USP24: variants seen among roughly 807,000 people sequenced by gnomAD.
USP24 encodes ubiquitin carboxyl-terminal hydrolase 24.
USP24 carries 97 observed loss-of-function variants against 361.6 expected under a neutral mutation model. The ratio of observed to expected loss-of-function variants is 0.27; its 90% CI spans 0.23 to 0.32. USP24 has a LOEUF of 0.32. Ranked by LOEUF, USP24 falls within the 10% of genes least tolerant of loss-of-function variation. The pLI is 1.00. For synonymous variants in USP24, 1,098 were observed against 1,124.6 expected, an observed-to-expected ratio of 0.98 and a Z score of 0.47; for missense variants, 2,353 against 3,165.6, an observed-to-expected ratio of 0.74 and a Z score of 6.16.
intron 1 of USP24, among the ~76,000 whole-genome samples, chr1:55,192,006 G>A (rs1021083549): frequency 2.6e-5 from 4 of 152,144 alleles, no homozygotes; most frequent in Admixed American, 1.3e-4. Context: ...AAACTTGCCC[G>A]TTTGAAAAAC....
rs765008533 is a variant in USP24, at chr1:55,153,826, T to C, written c.1860+44A>G. 6.7e-6 allele frequency: 10 copies of C among 1,494,998 alleles called. No individual in the cohort carries two copies. In the African/African-American group the frequency reaches 1.4e-4, roughly 21 times the overall value. The allele number at this position is 1,494,998 out of a possible 1,614,324, so 92.6% of individuals were successfully genotyped here. On this transcript the variant is annotated intron_variant, in intron 16 of 67. Coordinates refer to ENST00000294383, the MANE Select transcript of USP24 (RefSeq NM_015306.3). The stretch of plus-strand genomic sequence containing the variant: ...GGTGTAATTTATTAAAGGAAATTAT[T>C]AAACTAGTATACCTTTTAGTTGGTT...
chr1:55,171,134 T>G lies in USP24; in HGVS notation c.825+422A>C, dbSNP rs906829860. On this transcript the variant is annotated intron_variant, in intron 5 of 67. Coordinates refer to ENST00000294383, the MANE Select transcript of USP24 (RefSeq NM_015306.3). ...ATATAAAATATACTGGTTCCAGGCC[T>G]GAAAAAGCAAGTTTTAATGCATATG... Among the ~76,000 whole-genome samples the G allele has an allele frequency of 2.0e-5, 3 of 152,306 alleles. No individual in the cohort carries two copies. In the East Asian group the frequency reaches 5.8e-4, roughly 29 times the overall value.
Position 55,215,080 on chromosome 1 carries a change from G to T in USP24, c.34C>A (p.Leu12Met). 5.0e-6 allele frequency: 7 copies of T among 1,399,390 alleles called. No individual in the cohort carries two copies. Among genetic ancestry groups the T allele is most frequent in the Non-Finnish European group, 5.6e-6 (6 of 1,069,542 alleles). 86.7% of individuals were successfully genotyped at this position (1,399,390 alleles called of 1,614,324 possible). Residue 12 changes from leucine to methionine, a missense_variant, in exon 1 of 68, where the codon CTG (leucine) becomes ATG (methionine). Coordinates refer to ENST00000294383, the MANE Select transcript of USP24 (RefSeq NM_015306.3). Reference protein sequence around the residue: ...ESEEEQHMTTLLCMGFSDPAT... With the variant: ...ESEEEQHMTTMLCMGFSDPAT... ...GGGTCTGAGAAGCCCATGCACAGCA[G>T]CGTGGTCATGTGCTGCTCCTCCTCC... is the stretch of plus-strand genomic sequence containing the variant.
At chr1:55,089,864 G>T in intron 54 of USP24, 124 bp from the exon 55 acceptor site, 1 of 637,666 alleles carries the variant, frequency 1.6e-6, no homozygotes, top group Non-Finnish European at 2.7e-6. Flanking sequence ...TCTCTCGTGG[G>T]TAGAGTGGAG....
At position 55,178,073 on chromosome 1, in the gene USP24, T is replaced by C; in HGVS notation, c.384A>G (p.Leu128=). The C allele has an allele frequency of 6.4e-7, 1 of 1,551,604 alleles. No individual in the cohort carries two copies. The highest frequency in any genetic ancestry group is 8.7e-7 in the Non-Finnish European group (1 of 1,146,888). ...GEGIEFPTTN[L]YELESRVLTD... ...TCAAAACACGGCTTTCCAGTTCATATAAATTTGTTGTAGGGAATTCAATTC... is the reference window on the plus strand; with the variant it reads ...TCAAAACACGGCTTTCCAGTTCATACAAATTTGTTGTAGGGAATTCAATTC... The change falls in exon 2 of 68, where the codon TTA becomes TTG. Residue 128 remains leucine (L), a synonymous_variant. Coordinates refer to ENST00000294383, the MANE Select transcript of USP24 (RefSeq NM_015306.3).
chr1:55,148,383 A>T, intron 17 of USP24, 80 bp downstream of exon 17: 1 of 1,045,676 alleles, frequency 9.6e-7, no homozygotes, highest in Admixed American at 2.4e-5. Context: ...GTGACTATAA[A>T]CTCAGCAATT....
At chr1:55,204,641 A>G (rs918279301) in intron 1 of USP24, among the ~76,000 whole-genome samples, 2 of 152,216 alleles carry the variant, frequency 1.3e-5, no homozygotes, top group African/African-American at 4.8e-5. Flanking sequence ...CTGAAATAGA[A>G]TATTAAGATT....
At chr1:55,102,746 A>T (rs1645667953) in intron 42 of USP24, among the ~76,000 whole-genome samples, 1 of 152,212 alleles carries the variant, frequency 6.6e-6, no homozygotes, top group East Asian at 1.9e-4. Context: ...TCTAACACAG[A>T]TATTGCCTCC....
intron 58 of USP24, among the ~76,000 whole-genome samples, chr1:55,081,737 C>T (rs182279108): frequency 2.0e-5 from 3 of 152,272 alleles, no homozygotes; most frequent in South Asian, 2.1e-4. Flanking sequence ...CTCACTGTGC[C>T]GCGTAATGTG....
intron 63 of USP24, among the ~76,000 whole-genome samples, chr1:55,074,681 A>AATAAATAT (rs1557524397): frequency 2.2e-5 from 3 of 139,172 alleles, no homozygotes; most frequent in African/African-American, 7.7e-5. Context: ...TAAATAAATA[A>AATAAATAT]AAATAAAAAA....
chr1:55,210,915 C>T (rs2100958156), intron 1 of USP24, among the ~76,000 whole-genome samples: 1 of 152,288 alleles, frequency 6.6e-6, no homozygotes, highest in South Asian at 2.1e-4. Context: ...AATATGAAAT[C>T]TCCTTCCAAA....
chr1:55,155,768 C>A (rs761776391), intron 12 of USP24, among the ~76,000 whole-genome samples: 1 of 152,116 alleles, frequency 6.6e-6, no homozygotes, highest in Non-Finnish European at 1.5e-5. Context: ...GGATGAAGTA[C>A]GTCTGGCTTA....
chr1:55,137,797 T>G lies in USP24; in HGVS notation c.3027+9A>C. On this transcript the variant is annotated intron_variant, in intron 27 of 67. Transcript: ENST00000294383. ...TTATTATTCATCAAAACTGCTTATT[T>G]AAACCTACCAGGCTATCATTTGTAA... 6.4e-7 allele frequency: 1 copy of G among 1,569,618 alleles called. No individual in the cohort carries two copies.
chr1:55,072,273 C>T lies in USP24; in HGVS notation c.7689+44G>A, dbSNP rs369803879. The T allele has an allele frequency of 4.5e-6, 7 of 1,547,268 alleles. No homozygotes were observed. The African/African-American group carries it at 9.5e-5, about 21-fold the overall frequency. On this transcript the variant is annotated intron_variant, in intron 66 of 67. Transcript: ENST00000294383. ...TTCTGAGAAACACACTGAAAATCCT[C>T]CATAAGTGATTTAGACCACGCAAAA...
intron 38 of USP24, among the ~76,000 whole-genome samples, chr1:55,116,679 T>G (rs1329453550): frequency 7.2e-6 from 1 of 138,056 alleles, no homozygotes; most frequent in Non-Finnish European, 1.6e-5. Context: ...GAATTGGTAA[T>G]CCAAAAAAAA....
intron 1 of USP24, among the ~76,000 whole-genome samples, chr1:55,188,024 G>A (rs1024901589): frequency 2.6e-5 from 4 of 152,134 alleles, no homozygotes; most frequent in Non-Finnish European, 5.9e-5. Context: ...TAGTAATCAA[G>A]ACAATCTGGT....
At chr1:55,177,518 T>G (rs1650116094) in intron 2 of USP24, among the ~76,000 whole-genome samples, 1 of 151,766 alleles carries the variant, frequency 6.6e-6, no homozygotes, top group Non-Finnish European at 1.5e-5. Flanking sequence ...TATTTTCTCT[T>G]TTTTTAGTAC....
At chr1:55,159,889 CTATAA>C (rs1310820854) in intron 8 of USP24, among the ~76,000 whole-genome samples, 4 of 152,180 alleles carry the variant, frequency 2.6e-5, no homozygotes, top group African/African-American at 7.2e-5. Flanking sequence ...AGCTTCTTTA[CTATAA>C]TATGAGTACA....
At chr1:55,100,812 A>T (rs751486115) in intron 44 of USP24, 27 bp downstream of exon 44, 1 of 1,574,190 alleles carries the variant, frequency 6.4e-7, no homozygotes, top group South Asian at 1.2e-5. Flanking sequence ...AACATCTTTA[A>T]ATCTCAAGAG....
Sources: gnomAD v4.1 joint callset for allele counts (sites outside exome capture counted in the v4.1 genomes callset) on GRCh38, gnomAD v4.1.1 for gene constraint, MANE v1.5 for transcripts, NCBI Gene and HGNC (gene_info 2026-07-23, HGNC 2026-07-21) for gene names.